The following PALM variants were observed in gnomAD, a reference collection of about 807,000 sequenced individuals.
PALM encodes paralemmin.
Under a neutral mutation model 30.7 loss-of-function variants are expected in PALM, and 18 were observed. The observed-to-expected ratio is 0.59, with a 90% CI of 0.41 to 0.87. The LOEUF (loss-of-function observed/expected upper bound fraction) is 0.87. Ranked by LOEUF, PALM falls within the 40% of genes least tolerant of loss-of-function variation. The pLI is 0.00. For missense variants in PALM, 529 were observed against 555.4 expected (o/e 0.95, Z 0.48); for synonymous variants, 286 against 242.8 (o/e 1.18, Z -1.66).
chr19:724,156 G>T (rs909463665), intron 1 of PALM, among the ~76,000 whole-genome samples: 1 of 152,176 alleles, frequency 6.6e-6, no homozygotes, highest in African/African-American at 2.4e-5. Flanking sequence ...AGAATTCCTC[G>T]GTTCTTTCCT....
chr19:732,947 T>C (rs1374417533), intron 5 of PALM, among the ~76,000 whole-genome samples: 1 of 151,336 alleles, frequency 6.6e-6, no homozygotes, highest in Non-Finnish European at 1.5e-5. Flanking sequence ...GTGTTTTTTT[T>C]TTTGAGACAG....
Position 726,139 on chromosome 19 carries a change from G to C in PALM, c.7G>C (p.Val3Leu). ...CTTGACCTTATCTCCCTCCCGCAGG[G>C]TCCTGGCGGCAGAGACCACGTCCCA... ME[V>L]LAAETTSQQE... Residue 3 changes from valine to leucine, a missense_variant and splice_region_variant, in exon 2 of 9, where the codon GTC becomes CTC. Val to Leu is a conservative substitution (Grantham distance 32). Transcript: ENST00000338448. 2 of 1,613,040 alleles carry C rather than the reference G, an allele frequency of 1.2e-6. No homozygotes were observed. The highest frequency in any genetic ancestry group is 1.7e-6 in the Non-Finnish European group (2 of 1,179,434).
intron 1 of PALM, among the ~76,000 whole-genome samples, chr19:717,754 G>C (rs2032313641): frequency 6.6e-6 from 1 of 151,988 alleles, no homozygotes; most frequent in South Asian, 2.1e-4. Context: ...GAGGGGGCCG[G>C]GATTGGGGGG....
chr19:717,523 G>A (rs1354063223), intron 1 of PALM, among the ~76,000 whole-genome samples: 2 of 152,152 alleles, frequency 1.3e-5, no homozygotes, highest in Non-Finnish European at 2.9e-5. Context: ...GTGCGTGGAC[G>A]GCCACATTGC....
At chr19:732,979 G>A (rs995264756) in intron 5 of PALM, among the ~76,000 whole-genome samples, 1 of 151,936 alleles carries the variant, frequency 6.6e-6, no homozygotes, top group African/African-American at 2.4e-5. Context: ...TGTTACCCAG[G>A]CTGGAGTGCA....
chr19:746,758 G>C lies in PALM; in HGVS notation c.1108G>C (p.Asp370His). Residue 370 changes from aspartate to histidine, a missense_variant, in exon 9 of 9, where the codon GAC becomes CAC. Coordinates refer to ENST00000338448, the MANE Select transcript of PALM (RefSeq NM_002579.3). The surrounding 1 kb of genome is among the most constrained non-coding windows in gnomAD (Gnocchi z 7.1). ...GGCGGGGCCCGAGGCCACCACCAGC[G>C]ACCCCCAGGACCTCGACATGAAGAA... ...NQAGPEATTS[D>H]PQDLDMKKHR... 1 of 1,592,762 alleles carries C rather than the reference G, an allele frequency of 6.3e-7. No homozygotes were observed. Among genetic ancestry groups the C allele is most frequent in the Non-Finnish European group, 8.5e-7 (1 of 1,173,804 alleles).
intron 2 of PALM, 48 bp from the exon 3 acceptor site, chr19:726,960 T>TTGGGGGGGGGGGGGGGGGGCC: frequency 9.9e-7 from 1 of 1,006,648 alleles, no homozygotes; most frequent in East Asian, 4.0e-5. Context: ...TGGGGGGGTC[T>TTGGGGGGGGGGGGGGGGGGCC]CCGGGACCCC....
rs1483972147 is a variant in PALM at position 740,411 on chromosome 19, C to T, written c.562C>T (p.Leu188=). Reference sequence around the variant, plus strand: ...CAAGGTGACAGGGGAGACCAGGGTGCTGTCCAGCACCACGCTGCTCCCTCG... The same window carrying T: ...CAAGGTGACAGGGGAGACCAGGGTGTTGTCCAGCACCACGCTGCTCCCTCG... ...KDKVTGETRV[L]SSTTLLPRQP... is the part of the protein sequence containing the mutation. Residue 188 remains leucine, a synonymous_variant, in exon 8 of 9, where the codon CTG becomes TTG. Transcript: ENST00000338448. 6.4e-7 allele frequency: 1 copy of T among 1,556,570 alleles called. No individual in the cohort carries two copies. The highest frequency in any genetic ancestry group is 1.7e-4 in the Middle Eastern group (1 of 6,002).
At chr19:727,225 C>CAACCCT (rs1235073493) in intron 3 of PALM, 137 bp downstream of exon 3, 302,855 of 529,496 alleles carry the variant, frequency 0.57, 91,160 homozygotes, top group Admixed American at 0.67. Context: ...ACCCTGACCC[C>CAACCCT]GACCCTGACC....
At chr19:740,139 C>T (rs2033142717) in intron 7 of PALM, among the ~76,000 whole-genome samples, 1 of 152,196 alleles carries the variant, frequency 6.6e-6, no homozygotes, top group Non-Finnish European at 1.5e-5. Flanking sequence ...GAGAGGTGTT[C>T]AGACTGGTCG....
intron 8 of PALM, among the ~76,000 whole-genome samples, chr19:743,539 C>T (rs190170791): frequency 2.1e-3 from 319 of 152,370 alleles, no homozygotes; most frequent in African/African-American, 7.2e-3. Context: ...AGCATGGACT[C>T]CCCTCCCTGG....
At chr19:714,106 T>C (rs1381840338) in intron 1 of PALM, among the ~76,000 whole-genome samples, 2 of 151,354 alleles carry the variant, frequency 1.3e-5, no homozygotes, top group African/African-American at 4.9e-5. Context: ...GCGGTTTCAC[T>C]GTGTTAGCCA....
chr19:731,568 G>A (rs1278529652), intron 5 of PALM, among the ~76,000 whole-genome samples: 1 of 146,740 alleles, frequency 6.8e-6, no homozygotes, highest in Non-Finnish European at 1.5e-5. Context: ...GACCCACCTG[G>A]GGGCATCAGA....
intron 7 of PALM, 170 bp downstream of exon 7, chr19:736,248 G>C (rs2033021584): frequency 1.8e-6 from 1 of 550,534 alleles, no homozygotes; most frequent in Non-Finnish European, 3.1e-6. Flanking sequence ...TCCGAGCCTG[G>C]GGTGGGGGCC....
At position 726,044 on chromosome 19, in the gene PALM, C is replaced by A. The variant is rs1327414832; in HGVS notation, c.6-94C>A. ...GAGATGAAATCCCTTGCCCTGGTTA[C>A]CCCTAGGGGAAGAGGCAGAGCTGGG... is the stretch of plus-strand genomic sequence containing the variant. On this transcript the variant is annotated intron_variant, in intron 1 of 8. Coordinates refer to ENST00000338448, the MANE Select transcript of PALM (RefSeq NM_002579.3). 8.4e-6 allele frequency: 8 copies of A among 955,612 alleles called. No homozygotes were observed. In the Admixed American group the frequency reaches 1.4e-4, roughly 17 times the overall value. 59.2% of individuals were successfully genotyped at this position (955,612 alleles called of 1,614,324 possible). A position where few individuals can be genotyped will look rare whatever the true frequency, so the allele number is the denominator to read the frequency against.
At chr19:719,187 C>G in intron 1 of PALM, 3 of 985,302 alleles carry the variant, frequency 3.0e-6, no homozygotes, top group Non-Finnish European at 3.6e-6. Flanking sequence ...ACGAGTGCGA[C>G]GCCCCCATCC....
Position 747,081 on chromosome 19 carries a change from A to C in PALM, c.*267A>C. On this transcript the variant is annotated 3_prime_UTR_variant, in exon 9 of 9. Coordinates refer to ENST00000338448, the MANE Select transcript of PALM (RefSeq NM_002579.3). The stretch of plus-strand genomic sequence containing the variant: ...CAGACCCGCTTTTCCCGAGACAAGG[A>C]CCCCCCATGTCACGGCAGCTTCACA... 3 of 413,796 alleles carry C rather than the reference A, an allele frequency of 7.2e-6. No individual in the cohort carries two copies. Among genetic ancestry groups the C allele is most frequent in the South Asian group, 3.8e-5 (1 of 26,212 alleles). The allele number at this position is 413,796 out of a possible 1,614,324, so 25.6% of individuals were successfully genotyped here. A position where few individuals can be genotyped will look rare whatever the true frequency, so the allele number is the denominator to read the frequency against.
chr19:727,260 C>T (rs1207057191), intron 3 of PALM, among the ~76,000 whole-genome samples, 172 bp downstream of exon 3: 1 of 147,018 alleles, frequency 6.8e-6, no homozygotes, highest in East Asian at 2.0e-4. Flanking sequence ...GACCCTGACC[C>T]CAACCTGACC....
In PALM at chr19:731,080, A is replaced by T; in HGVS notation, c.270-15A>T. 6.4e-7 allele frequency: 1 copy of T among 1,554,586 alleles called. No individual in the cohort carries two copies. The highest frequency in any genetic ancestry group is 8.7e-7 in the Non-Finnish European group (1 of 1,147,186). On this transcript the variant is annotated splice_polypyrimidine_tract_variant and intron_variant, in intron 4 of 8. Coordinates refer to ENST00000338448, the MANE Select transcript of PALM (RefSeq NM_002579.3). ...GGATGCAGGAGTCACCCTCACAGGC[A>T]CACCCTCTCCCCAGGTTGGAGAAGG...
Sources: allele counts gnomAD v4.1 joint callset (sites outside exome capture counted in the v4.1 genomes callset), GRCh38; gene constraint gnomAD v4.1.1; non-coding constraint Gnocchi (gnomAD v3.1); transcripts MANE v1.5; gene names NCBI Gene and HGNC (gene_info 2026-07-23, HGNC 2026-07-21).